NRXN2: variants seen among roughly 807,000 people sequenced by gnomAD.
The protein encoded by NRXN2 is neurexin-2-beta.
NRXN2 carries 29 observed loss-of-function variants against 128.8 expected under a neutral mutation model. The observed-to-expected ratio is 0.23, with a 90% CI of 0.17 to 0.31. NRXN2 has a LOEUF of 0.31. Ranked by LOEUF, NRXN2 falls within the 10% of genes least tolerant of loss-of-function variation. The probability of loss-of-function intolerance (pLI) is 1.00; values close to 1 mark genes in which losing one functional copy is unlikely to be tolerated. For synonymous variants in NRXN2, 1,098 were observed against 1,075.2 expected, an observed-to-expected ratio of 1.02 and a Z score of -0.41; for missense variants, 1,881 against 2,452.6, an observed-to-expected ratio of 0.77 and a Z score of 4.92.
intron 3 of NRXN2, among the ~76,000 whole-genome samples, chr11:64,695,497 C>A (rs1169728196): frequency 6.6e-6 from 1 of 152,084 alleles, no homozygotes; most frequent in Non-Finnish European, 1.5e-5. Context: ...GTCCAGAGCA[C>A]AGTGCCACAG....
Position 64,630,670 on chromosome 11 carries a change from C to T in NRXN2, c.3586-97G>A. 7.2e-7 allele frequency: 1 copy of T among 1,383,440 alleles called. No homozygotes were observed. The highest frequency in any genetic ancestry group is 1.2e-5 in the South Asian group (1 of 83,346). 85.7% of individuals were successfully genotyped at this position (1,383,440 alleles called of 1,614,324 possible). ...GACCACCACTAGCCCAGCTCCGCAG[C>T]ACTTAAGGCACCTTTCCCAGGTCTC... On this transcript the variant is annotated intron_variant, in intron 18 of 22. Coordinates refer to ENST00000265459, the MANE Select transcript of NRXN2 (RefSeq NM_015080.4). This position sits in a 1 kb window ranked among gnomAD's most constrained non-coding sequence, Gnocchi z 4.6.
chr11:64,681,053 C>T (rs1419432172), intron 6 of NRXN2, among the ~76,000 whole-genome samples: 4 of 147,974 alleles, frequency 2.7e-5, no homozygotes, highest in East Asian at 2.0e-4. Flanking sequence ...GCTGAGACTG[C>T]GCCACTGCAC....
At position 64,660,224 on chromosome 11, in the gene NRXN2, T is replaced by A; in HGVS notation, c.2389+108A>T. The A allele has an allele frequency of 7.8e-7, 1 of 1,284,996 alleles. No homozygotes were observed. The highest frequency in any genetic ancestry group is 1.1e-6 in the Non-Finnish European group (1 of 886,206). The allele number at this position is 1,284,996 out of a possible 1,614,324, so 79.6% of individuals were successfully genotyped here. The stretch of plus-strand genomic sequence containing the variant: ...GCGCCTCCCCACCTCCAAACTCTGC[T>A]GAGGGCACCTCTTGCTGGTGCCACC... On this transcript the variant is annotated intron_variant, in intron 11 of 22. Coordinates refer to ENST00000265459, the MANE Select transcript of NRXN2 (RefSeq NM_015080.4). This position sits in a 1 kb window ranked among gnomAD's most constrained non-coding sequence, Gnocchi z 5.2.
intron 17 of NRXN2, chr11:64,642,460 C>A: frequency 6.7e-7 from 1 of 1,501,032 alleles, no homozygotes; most frequent in South Asian, 1.3e-5. Flanking sequence ...GTGGGGCCCG[C>A]GGGGGCCCAG....
At chr11:64,690,363 G>A (rs1046089658) in intron 5 of NRXN2, 42 bp downstream of exon 5, 8 of 1,573,150 alleles carry the variant, frequency 5.1e-6, no homozygotes, top group African/African-American at 1.3e-5. Flanking sequence ...GCCTGCAGCA[G>A]GATGAGGGCT....
intron 20 of NRXN2, among the ~76,000 whole-genome samples, chr11:64,624,530 G>A (rs2042832617): frequency 6.6e-6 from 1 of 152,234 alleles, no homozygotes; most frequent in Non-Finnish European, 1.5e-5. Flanking sequence ...AGAGGCCCAG[G>A]AAGACCTCTG....
chr11:64,677,122 G>C, intron 6 of NRXN2, 85 bp from the exon 7 acceptor site: 1 of 956,298 alleles, frequency 1.0e-6, no homozygotes, highest in East Asian at 2.5e-5. Flanking sequence ...AGAATGAAAA[G>C]AAAAGAAAAA....
chr11:64,713,414 C>T lies in NRXN2; in HGVS notation c.286G>A (p.Ala96Thr). 1 of 1,495,346 alleles carries T rather than the reference C, an allele frequency of 6.7e-7. No individual in the cohort carries two copies. The highest frequency in any genetic ancestry group is 2.2e-4 in the Middle Eastern group (1 of 4,634). 92.6% of individuals were successfully genotyped at this position (1,495,346 alleles called of 1,614,324 possible). The change falls in exon 2 of 23, where the codon GCC (alanine) becomes ACC (threonine). Residue 96 changes from alanine (A) to threonine (T), a missense_variant. This residue lies in a region of NRXN2 where 997 missense variants were observed against 1,240.8 expected (regional missense o/e 0.80). Coordinates refer to ENST00000265459, the MANE Select transcript of NRXN2 (RefSeq NM_015080.4). ...TCCAGCTGCAGCGTGGCCGGCTCGGCGCACGAAAGCGTGAAGCGCAGCCGC... is the reference window on the plus strand; with the variant it reads ...TCCAGCTGCAGCGTGGCCGGCTCGGTGCACGAAAGCGTGAAGCGCAGCCGC... ...RLRLRFTLSC[A>T]EPATLQLDTP...
At chr11:64,668,292 G>T in intron 8 of NRXN2, 151 bp downstream of exon 8, 1 of 941,756 alleles carries the variant, frequency 1.1e-6, no homozygotes, top group Non-Finnish European at 1.6e-6. Flanking sequence ...TGGAGTCAGT[G>T]GGCCTTAGGT....
intron 3 of NRXN2, among the ~76,000 whole-genome samples, chr11:64,694,258 T>A (rs2054205082): frequency 6.6e-6 from 1 of 152,200 alleles, no homozygotes; most frequent in South Asian, 2.1e-4. Flanking sequence ...AGCCCTGCAG[T>A]GCCACTGTCA....
intron 17 of NRXN2, chr11:64,642,774 C>A (rs895195248): frequency 2.5e-5 from 29 of 1,141,778 alleles, no homozygotes; most frequent in Non-Finnish European, 3.0e-5. Context: ...GGCGCGGGCA[C>A]CCCCCCGGCC....
intron 2 of NRXN2, among the ~76,000 whole-genome samples, chr11:64,698,961 C>A (rs2054908111): frequency 6.6e-6 from 1 of 152,180 alleles, no homozygotes; most frequent in South Asian, 2.1e-4. Context: ...AGTGGGGAAA[C>A]ACATACTTGC....
rs547532881 is a variant in NRXN2, at chr11:64,651,587, C to T, written c.2586G>A (p.Thr862=). 45 of 1,614,126 alleles carry T rather than the reference C, an allele frequency of 2.8e-5. No individual in the cohort carries two copies. Among genetic ancestry groups the T allele is most frequent in the South Asian group, 2.6e-4 (24 of 91,074 alleles). The change falls in exon 14 of 23, where the codon ACG becomes ACA. Residue 862 remains threonine (T), a synonymous_variant. Coordinates refer to ENST00000265459, the MANE Select transcript of NRXN2 (RefSeq NM_015080.4). This position sits in a 1 kb window ranked among gnomAD's most constrained non-coding sequence, Gnocchi z 5.9. ...HMRLEFHNIE[T]GIMTERRFIS... Reference sequence around the variant, plus strand: ...TAAACCGCCGCTCCGTCATGATGCCCGTCTCAATGTTGTGGAACTCCAGCC... The same window carrying T: ...TAAACCGCCGCTCCGTCATGATGCCTGTCTCAATGTTGTGGAACTCCAGCC...
intron 17 of NRXN2, chr11:64,642,714 C>CGGCGGCGGCGGTGGA: frequency 7.0e-7 from 1 of 1,438,034 alleles, no homozygotes; most frequent in Non-Finnish European, 9.2e-7. Flanking sequence ...GCAGAGGTGG[C>CGGCGGCGGCGGTGGA]GGCGGCGGCG....
chr11:64,606,948 C>T lies in NRXN2; in HGVS notation c.*248G>A, dbSNP rs543872434. The T allele has an allele frequency of 8.8e-4, 490 of 554,310 alleles. No homozygotes were observed. The highest frequency in any genetic ancestry group is 1.3e-3 in the Non-Finnish European group (415 of 310,182). The allele number at this position is 554,310 out of a possible 1,614,324, so 34.3% of individuals were successfully genotyped here. ...ATCAACCCAGGGCTGTGAGCACGTG[C>T]CCTGCCTGGCAGGCGCAGAGCTGAG... On this transcript the variant is annotated 3_prime_UTR_variant, in exon 23 of 23. Coordinates refer to ENST00000265459, the MANE Select transcript of NRXN2 (RefSeq NM_015080.4).
rs957411073 is a variant in NRXN2, at chr11:64,704,358, G to A, written c.731-6566C>T. Reference sequence around the variant, plus strand: ...CAGCCAAAACATGCATCTAACACCCGGGCAATTAAGAATTGTTATTTTCTG... The same window carrying A: ...CAGCCAAAACATGCATCTAACACCCAGGCAATTAAGAATTGTTATTTTCTG... On this transcript the variant is annotated intron_variant, in intron 2 of 22. Coordinates refer to ENST00000265459, the MANE Select transcript of NRXN2 (RefSeq NM_015080.4). 4.6e-5 allele frequency among the ~76,000 whole-genome samples: 7 copies of A among 152,080 alleles called. No individual in the cohort carries two copies. In the Middle Eastern group the frequency reaches 0.01, roughly 222 times the overall value.
chr11:64,610,463 C>T (rs542380942), intron 22 of NRXN2, among the ~76,000 whole-genome samples: 1 of 152,240 alleles, frequency 6.6e-6, no homozygotes, highest in Admixed American at 6.5e-5. Flanking sequence ...CTAAGTCATC[C>T]TCCCAATGCC....
chr11:64,706,104 TAAAG>T (rs1167690707), intron 2 of NRXN2, among the ~76,000 whole-genome samples: 2 of 11,246 alleles, frequency 1.8e-4, no homozygotes, highest in Admixed American at 1.3e-3. Context: ...ATTATATATA[TAAAG>T]TATATATATA....
chr11:64,688,895 A>T, intron 5 of NRXN2: 1 of 784,100 alleles, frequency 1.3e-6, no homozygotes, highest in South Asian at 5.8e-5. Context: ...CGAGCTCTAC[A>T]GCTGTCTGTT....
Sources: allele counts gnomAD v4.1 joint callset (sites outside exome capture counted in the v4.1 genomes callset), GRCh38; gene constraint gnomAD v4.1.1; regional missense constraint gnomAD v4.1.1; non-coding constraint Gnocchi (gnomAD v3.1); transcripts MANE v1.5; gene names NCBI Gene and HGNC (gene_info 2026-07-23, HGNC 2026-07-21).